The following TBCCD1 variants were observed in gnomAD, a reference collection of about 807,000 sequenced individuals.
The protein encoded by TBCCD1 is TBCC domain containing 1.
In TBCCD1, 26 loss-of-function variants were observed where a neutral mutation model predicts 53.4. The ratio of observed to expected loss-of-function variants is 0.49; its 90% CI spans 0.36 to 0.68. The LOEUF (loss-of-function observed/expected upper bound fraction) is 0.68. Ranked by LOEUF, TBCCD1 falls within the 30% of genes least tolerant of loss-of-function variation. The probability of loss-of-function intolerance (pLI) is 0.00; values close to 1 mark genes in which losing one functional copy is unlikely to be tolerated. For synonymous variants in TBCCD1, 245 were observed against 241.7 expected, an observed-to-expected ratio of 1.01 and a Z score of -0.13; for missense variants, 558 against 669.5, an observed-to-expected ratio of 0.83 and a Z score of 1.84.
chr3:186,547,161 T>A (rs562676048), intron 7 of TBCCD1, among the ~76,000 whole-genome samples: 66 of 152,206 alleles, frequency 4.3e-4, no homozygotes, highest in African/African-American at 1.5e-3. Context: ...AATTCATACA[T>A]GAATGTAAAA....
At position 186,550,002 on chromosome 3, in the gene TBCCD1, G is replaced by A. The variant is rs184854218; in HGVS notation, c.*21+1127C>T. On this transcript the variant is annotated intron_variant, in intron 7 of 7. Coordinates refer to ENST00000338733, the MANE Select transcript of TBCCD1 (RefSeq NM_018138.5). ...AACACTTTGGGAAGCCGAGGTGGGC[G>A]ATGTTCAGGAGTTTAGGAGTTCAAG... Among the ~76,000 whole-genome samples, 87 of 152,160 alleles carry A rather than the reference G, an allele frequency of 5.7e-4. 3 individuals are homozygous for A. In the South Asian group the frequency reaches 0.014, roughly 25 times the overall value.
rs1714552700 is a variant in TBCCD1, at chr3:186,556,671, G to C, written c.597C>G (p.Thr199=). Residue 199 remains threonine (T), a synonymous_variant, in exon 4 of 8, where the codon ACC becomes ACG. Coordinates refer to ENST00000338733, the MANE Select transcript of TBCCD1 (RefSeq NM_018138.5). ...PKQLTASFHS[T]HSSLVSREAV... is the part of the protein sequence containing the mutation. ...CTTCTCGAGACACTAGACTACTATG[G>C]GTTGAATGAAATGATGCAGTGAGTT... The C allele has an allele frequency of 1.9e-6, 3 of 1,614,024 alleles. No individual in the cohort carries two copies.
intron 7 of TBCCD1, among the ~76,000 whole-genome samples, chr3:186,550,063 C>T (rs1714324397): frequency 6.6e-6 from 1 of 151,794 alleles, no homozygotes. Context: ...TAAGTCTCTA[C>T]TAAACATACA....
intron 1 of TBCCD1, among the ~76,000 whole-genome samples, chr3:186,565,582 T>C (rs1345755626): frequency 6.6e-6 from 1 of 152,202 alleles, no homozygotes; most frequent in East Asian, 1.9e-4. Flanking sequence ...GTTTCAGATT[T>C]TTCACAAAAA....
At chr3:186,559,030 C>T (rs888767654) in intron 2 of TBCCD1, among the ~76,000 whole-genome samples, 1 of 152,182 alleles carries the variant, frequency 6.6e-6, no homozygotes, top group Non-Finnish European at 1.5e-5. Flanking sequence ...CAGGCGTGAA[C>T]CCCTGTGCCT....
intron 2 of TBCCD1, 38 bp from the exon 3 acceptor site, chr3:186,558,610 A>G (rs1217806177): frequency 1.3e-6 from 2 of 1,599,730 alleles, no homozygotes; most frequent in Non-Finnish European, 8.5e-7. Context: ...TAGACGTTTT[A>G]AAACATCAAC....
chr3:186,564,686 C>G (rs1714778166), intron 1 of TBCCD1, among the ~76,000 whole-genome samples: 1 of 152,138 alleles, frequency 6.6e-6, no homozygotes, highest in Non-Finnish European at 1.5e-5. Context: ...AAAAGTCATC[C>G]TATCACAGGA....
At chr3:186,550,970 C>T (rs1714355207) in intron 7 of TBCCD1, among the ~76,000 whole-genome samples, 159 bp downstream of exon 7, 1 of 152,106 alleles carries the variant, frequency 6.6e-6, no homozygotes. Context: ...GGTTTTCTCA[C>T]TATAAAATAT....
chr3:186,562,053 G>T (rs1714705114), intron 2 of TBCCD1, among the ~76,000 whole-genome samples: 1 of 152,088 alleles, frequency 6.6e-6, no homozygotes, highest in Non-Finnish European at 1.5e-5. Context: ...AAAAAAGAAA[G>T]AAATCATGTT....
intron 7 of TBCCD1, among the ~76,000 whole-genome samples, chr3:186,548,964 A>G (rs1195517391): frequency 6.6e-6 from 1 of 152,226 alleles, no homozygotes; most frequent in Non-Finnish European, 1.5e-5. Flanking sequence ...GAAATGATAA[A>G]TATATACAAT....
upstream of TBCCD1, among the ~76,000 whole-genome samples, chr3:186,568,332 G>A (rs1029672464): frequency 6.6e-6 from 1 of 151,684 alleles, no homozygotes; most frequent in Admixed American, 6.6e-5. Flanking sequence ...AATAAAATAA[G>A]ATAATTTCAA....
Position 186,546,336 on chromosome 3 carries a change from T to C in TBCCD1, c.*641A>G, listed in dbSNP as rs1455340984. Reference sequence around the variant, plus strand: ...ATCACACAAATGAAGATACACACTATAGTTGCAAATCTACACTCAGTTGCT... The same window carrying C: ...ATCACACAAATGAAGATACACACTACAGTTGCAAATCTACACTCAGTTGCT... On this transcript the variant is annotated 3_prime_UTR_variant, in exon 8 of 8. Coordinates refer to ENST00000338733, the MANE Select transcript of TBCCD1 (RefSeq NM_018138.5). 5 of 151,296 alleles carry C rather than the reference T, an allele frequency of 3.3e-5. No individual in the cohort carries two copies. Among genetic ancestry groups the C allele is most frequent in the Non-Finnish European group, 5.9e-5 (4 of 67,694 alleles). 9.4% of individuals were successfully genotyped at this position (151,296 alleles called of 1,614,324 possible).
At chr3:186,566,075 T>C (rs1014160827) in intron 1 of TBCCD1, among the ~76,000 whole-genome samples, 1 of 152,064 alleles carries the variant, frequency 6.6e-6, no homozygotes, top group East Asian at 1.9e-4. Context: ...TCTCGCTCTG[T>C]TGCCCAGGCT....
chr3:186,553,553 T>G (rs992306788), intron 6 of TBCCD1: 2 of 152,242 alleles, frequency 1.3e-5, no homozygotes, highest in African/African-American at 2.4e-5. Context: ...TCCTGGCTCC[T>G]GTGTGACTTT....
intron 7 of TBCCD1, among the ~76,000 whole-genome samples, chr3:186,548,174 A>G (rs974219915): frequency 9.2e-5 from 14 of 152,250 alleles, no homozygotes; most frequent in African/African-American, 3.4e-4. Flanking sequence ...ACACGATGGA[A>G]TATTATCTGG....
chr3:186,557,527 T>C (rs1238855430), intron 3 of TBCCD1, among the ~76,000 whole-genome samples: 1 of 152,140 alleles, frequency 6.6e-6, no homozygotes, highest in Non-Finnish European at 1.5e-5. Context: ...GCGGTAACTA[T>C]AAAGCAAGAG....
chr3:186,568,061 A>C (rs1714890020), upstream of TBCCD1, among the ~76,000 whole-genome samples: 1 of 152,206 alleles, frequency 6.6e-6, no homozygotes, highest in Non-Finnish European at 1.5e-5. Context: ...TTAGACCGTA[A>C]AATGCAATTT....
Position 186,554,503 on chromosome 3 carries a change from C to A in TBCCD1, c.1295G>T (p.Arg432Met). 6.2e-7 allele frequency: 1 copy of A among 1,614,236 alleles called. No individual in the cohort carries two copies. The highest frequency in any genetic ancestry group is 8.5e-7 in the Non-Finnish European group (1 of 1,180,046). ...GTTAGGCACTGTAGCAAGGCCAGTC[C>A]TGGCCATATGGTCCTCTAGCATTGG... ...HYPMLEDHMA[R>M]TGLATVPNYW... The change falls in exon 6 of 8, where the codon AGG (arginine) becomes ATG (methionine). Residue 432 changes from arginine to methionine, a missense_variant. Arg to Met is a moderately conservative substitution (Grantham distance 91, BLOSUM62 -1). Transcript: ENST00000338733.
Position 186,558,447 on chromosome 3 carries a change from G to C in TBCCD1, c.462C>G (p.Asp154Glu), listed in dbSNP as rs569827295. 6.2e-7 allele frequency: 1 copy of C among 1,614,150 alleles called. No individual in the cohort carries two copies. Among genetic ancestry groups the C allele is most frequent in the Non-Finnish European group, 8.5e-7 (1 of 1,180,026 alleles). ...TATGACAATTAGATTTTTCAGTCAG[G>C]TCAGGAGACTGAGATTTGTTTCTGG... is the stretch of plus-strand genomic sequence containing the variant. ...PSPRNKSQSP[D>E]LTEKSNCHNK... The change falls in exon 3 of 8, where the codon GAC (aspartate) becomes GAG (glutamate). Residue 154 changes from aspartate (D) to glutamate (E), a missense_variant. Asp to Glu is a conservative substitution (Grantham distance 45). Transcript: ENST00000338733.
Sources: gnomAD v4.1 joint callset for allele counts (sites outside exome capture counted in the v4.1 genomes callset) on GRCh38, gnomAD v4.1.1 for gene constraint, MANE v1.5 for transcripts, NCBI Gene and HGNC (gene_info 2026-07-23, HGNC 2026-07-21) for gene names.